VSNL1: variants seen among roughly 807,000 people sequenced by gnomAD.
VSNL1 encodes the protein visinin like 1.
A neutral mutation model predicts 20.4 loss-of-function variants in VSNL1; 6 were observed. The ratio of observed to expected loss-of-function variants is 0.29; its 90% confidence interval spans 0.16 to 0.58. The LOEUF (loss-of-function observed/expected upper bound fraction) is 0.58. Ranked by LOEUF, VSNL1 falls within the 20% of genes least tolerant of loss-of-function variation. VSNL1 has a pLI of 0.90. For synonymous variants in VSNL1, 93 were observed against 86.4 expected, an observed-to-expected ratio of 1.08 and a Z score of -0.42; for missense variants, 100 against 234.5, an observed-to-expected ratio of 0.43 and a Z score of 3.75.
At chr2:17,587,383 AC>A in intron 1 of VSNL1, among the ~76,000 whole-genome samples, 1 of 151,514 alleles carries the variant, frequency 6.6e-6, no homozygotes. Context: ...ACACACACAC[AC>A]ACACACACAC....
intron 1 of VSNL1, among the ~76,000 whole-genome samples, chr2:17,557,864 C>T (rs62131502): frequency 0.029 from 4,467 of 152,250 alleles, 64 homozygotes; most frequent in Middle Eastern, 0.054. Flanking sequence ...CTGTGTGTTA[C>T]GTGCTCTTCC....
At chr2:17,590,295 A>G in intron 1 of VSNL1, among the ~76,000 whole-genome samples, 1 of 152,206 alleles carries the variant, frequency 6.6e-6, no homozygotes, top group East Asian at 1.9e-4. Context: ...TCACAATAAT[A>G]CATCTTTTGA....
intron 2 of VSNL1, among the ~76,000 whole-genome samples, chr2:17,593,178 C>G (rs541436638): frequency 1.7e-4 from 26 of 152,080 alleles, no homozygotes; most frequent in African/African-American, 6.3e-4. Context: ...TTTTCTATAA[C>G]CTATGATCCA....
intron 1 of VSNL1, among the ~76,000 whole-genome samples, chr2:17,584,581 G>T (rs1463799335): frequency 6.6e-6 from 1 of 152,082 alleles, no homozygotes; most frequent in African/African-American, 2.4e-5. Context: ...ATACCATTTG[G>T]CCAAGGCTCC....
chr2:17,647,027 A>G (rs1188725267), intron 2 of VSNL1, among the ~76,000 whole-genome samples: 1 of 152,238 alleles, frequency 6.6e-6, no homozygotes, highest in African/African-American at 2.4e-5. Flanking sequence ...TCTTGAGCAC[A>G]CACTCAGTTC....
rs139553334 is a variant in VSNL1 at position 17,629,575 on chromosome 2, C to T, written c.163-19835C>T. ...TGACTTACTTGGCAATGGTTTCCAA[C>T]TGCCACTGGTGATGCAGAATTTTTC... On this transcript the variant is annotated intron_variant, in intron 2 of 3. Transcript: ENST00000295156. Among the ~76,000 whole-genome samples, 362 of 152,352 alleles carry T rather than the reference C, an allele frequency of 2.4e-3. 2 individuals are homozygous for T. The highest frequency in any genetic ancestry group is 8.2e-3 in the African/African-American group (342 of 41,584).
At chr2:17,579,734 A>G (rs140814394) in intron 1 of VSNL1, among the ~76,000 whole-genome samples, 148 of 152,268 alleles carry the variant, frequency 9.7e-4, no homozygotes, top group Admixed American at 2.6e-3. Context: ...CCGAAAACCC[A>G]CACAGGCATT....
chr2:17,583,108 G>GC (rs1267235050), intron 1 of VSNL1, among the ~76,000 whole-genome samples: 3 of 152,140 alleles, frequency 2.0e-5, no homozygotes, highest in Admixed American at 6.5e-5. Flanking sequence ...AGAGAGGAAA[G>GC]AGTACCAGCC....
In VSNL1 at chr2:17,656,704, T is replaced by C. The variant is rs761833625; in HGVS notation, c.*1310T>C. 1 of 152,094 alleles carries C rather than the reference T, an allele frequency of 6.6e-6. No individual in the cohort carries two copies. The highest frequency in any genetic ancestry group is 2.4e-5 in the African/African-American group (1 of 41,400). The allele number at this position is 152,094 out of a possible 1,614,324, so 9.4% of individuals were successfully genotyped here. A position where few individuals can be genotyped will look rare whatever the true frequency, so the allele number is the denominator to read the frequency against. The stretch of plus-strand genomic sequence containing the variant: ...TTTCAGAACATGCCCCCCTAGAGAG[T>C]TGAGTTTTTTACACAGCACTACCCG... On this transcript the variant is annotated 3_prime_UTR_variant, in exon 4 of 4. Transcript: ENST00000295156.
Position 17,622,550 on chromosome 2 carries a change from A to AAG in VSNL1, c.163-26858_163-26857dup, listed in dbSNP as rs1229617211. Among the ~76,000 whole-genome samples, 5 of 94,734 alleles carry AAG rather than the reference A, an allele frequency of 5.3e-5. No individual in the cohort carries two copies. In the East Asian group the frequency reaches 1.0e-3, roughly 19 times the overall value. 62.1% of individuals were successfully genotyped at this position (94,734 alleles called of 152,430 possible). A position where few individuals can be genotyped will look rare whatever the true frequency, so the allele number is the denominator to read the frequency against. On this transcript the variant is annotated intron_variant, in intron 2 of 3. Transcript: ENST00000295156. ...AAGAAAGAAAAGAAAGAAAGAAAGA[A>AAG]AGAAAGAAAGAAAGAAAGAAAGAAA...
At chr2:17,589,048 C>G (rs953366444) in intron 1 of VSNL1, among the ~76,000 whole-genome samples, 6 of 151,994 alleles carry the variant, frequency 3.9e-5, no homozygotes, top group African/African-American at 1.5e-4. Flanking sequence ...AGGGAGATAC[C>G]TAAGAGAATG....
intron 2 of VSNL1, among the ~76,000 whole-genome samples, chr2:17,598,760 C>T (rs970790132): frequency 2.0e-5 from 3 of 152,128 alleles, no homozygotes; most frequent in Admixed American, 1.3e-4. Context: ...CATTGGCAGA[C>T]GTAACATTCT....
At position 17,602,936 on chromosome 2, in the gene VSNL1, C is replaced by T. The variant is rs114528389; in HGVS notation, c.162+10700C>T. Among the ~76,000 whole-genome samples the T allele has an allele frequency of 6.3e-3, 964 of 152,196 alleles. 9 individuals carry two copies. Among genetic ancestry groups the T allele is most frequent in the African/African-American group, 0.02 (837 of 41,506 alleles). On this transcript the variant is annotated intron_variant, in intron 2 of 3. Transcript: ENST00000295156. ...GTGTGGAATTTGAGTCAGACTCTTA[C>T]CCTACTCTAAGGGCCTCACAGCCTA...
At chr2:17,626,874 A>G (rs553844833) in intron 2 of VSNL1, among the ~76,000 whole-genome samples, 28 of 152,350 alleles carry the variant, frequency 1.8e-4, no homozygotes, top group South Asian at 8.3e-4. Context: ...CGGCTCTCAG[A>G]TGCCAGCCCC....
chr2:17,555,598 C>T (rs1663659284), intron 1 of VSNL1, among the ~76,000 whole-genome samples: 1 of 152,118 alleles, frequency 6.6e-6, no homozygotes, highest in Admixed American at 6.6e-5. Context: ...ATTCTCTATA[C>T]CTAAATAGTC....
intron 1 of VSNL1, among the ~76,000 whole-genome samples, chr2:17,573,797 G>A (rs1421907566): frequency 6.6e-6 from 1 of 152,168 alleles, no homozygotes; most frequent in Non-Finnish European, 1.5e-5. Context: ...CAGGAGATGA[G>A]GCTTTGGAAC....
intron 1 of VSNL1, among the ~76,000 whole-genome samples, chr2:17,549,463 A>T (rs1261468562): frequency 1.3e-5 from 2 of 152,222 alleles, no homozygotes; most frequent in African/African-American, 4.8e-5. Context: ...GTATAGTTTT[A>T]AGCAAAATAT....
chr2:17,648,542 C>G (rs544491117), intron 2 of VSNL1, among the ~76,000 whole-genome samples: 2 of 152,218 alleles, frequency 1.3e-5, no homozygotes, highest in African/African-American at 4.8e-5. Flanking sequence ...GAAATACATA[C>G]GTAACTTCTC....
In VSNL1 at chr2:17,649,319, G is replaced by T. The variant is rs2103430042; in HGVS notation, c.163-91G>T. ...ATGGGTGAGGCTCCGACAACGCCCA[G>T]GAGCACCTGTGATGCCGTCATTAGG... is the stretch of plus-strand genomic sequence containing the variant. On this transcript the variant is annotated intron_variant, in intron 2 of 3. Coordinates refer to ENST00000295156, the MANE Select transcript of VSNL1 (RefSeq NM_003385.5). The surrounding 1 kb of genome is among the most constrained non-coding windows in gnomAD (Gnocchi z 6.4). 7.7e-7 allele frequency: 1 copy of T among 1,306,590 alleles called. No homozygotes were observed. Among genetic ancestry groups the T allele is most frequent in the South Asian group, 1.2e-5 (1 of 80,064 alleles). The allele number at this position is 1,306,590 out of a possible 1,614,324, so 80.9% of individuals were successfully genotyped here.
Sources: allele counts gnomAD v4.1 joint callset (sites outside exome capture counted in the v4.1 genomes callset), GRCh38; gene constraint gnomAD v4.1.1; non-coding constraint Gnocchi (gnomAD v3.1); transcripts MANE v1.5; gene names NCBI Gene and HGNC (gene_info 2026-07-23, HGNC 2026-07-21).